The following RBFOX1 variants were observed in gnomAD, a reference collection of about 807,000 sequenced individuals.
RBFOX1 encodes RNA binding fox-1 homolog 1.
Under a neutral mutation model 57.7 loss-of-function variants are expected in RBFOX1, and 8 were observed. That is an observed-to-expected ratio of 0.14 (90% CI 0.08 to 0.25). The LOEUF (loss-of-function observed/expected upper bound fraction) is 0.25, where lower values mean the gene tolerates loss of function less well. Ranked by LOEUF, RBFOX1 falls within the 10% of genes least tolerant of loss-of-function variation. The pLI, the probability that RBFOX1 is intolerant of heterozygous loss-of-function variation, is 1.00. For missense variants in RBFOX1, 611 were observed against 548.5 expected, an observed-to-expected ratio of 1.11 and a Z score of -1.14; for synonymous variants, 326 against 222.4, an observed-to-expected ratio of 1.47 and a Z score of -4.15.
intron 1 of RBFOX1, among the ~76,000 whole-genome samples, chr16:6,230,006 G>T (rs374561254): frequency 2.0e-5 from 3 of 151,670 alleles, no homozygotes; most frequent in Admixed American, 1.3e-4. Flanking sequence ...TGTTATCTAG[G>T]GTGTACTTGA....
At chr16:7,415,500 T>G (rs2098469717) in intron 4 of RBFOX1, among the ~76,000 whole-genome samples, 1 of 152,190 alleles carries the variant, frequency 6.6e-6, no homozygotes, top group African/African-American at 2.4e-5. Flanking sequence ...AATGGCAATG[T>G]GGAATAAGCA....
intron 3 of RBFOX1, among the ~76,000 whole-genome samples, chr16:6,868,614 G>A (rs751979475): frequency 6.6e-6 from 1 of 152,032 alleles, no homozygotes; most frequent in Non-Finnish European, 1.5e-5. Context: ...TGGGATTATA[G>A]GCACACACCA....
chr16:5,632,648 T>C (rs1483699033), intron 3 of RBFOX1: 1 of 152,110 alleles, frequency 6.6e-6, no homozygotes, highest in Non-Finnish European at 1.5e-5. Flanking sequence ...CCAACTATGT[T>C]TATTTGTCTT....
intron 4 of RBFOX1, among the ~76,000 whole-genome samples, chr16:7,121,477 C>CA (rs1368696830): frequency 6.6e-6 from 1 of 151,818 alleles, no homozygotes; most frequent in Non-Finnish European, 1.5e-5. Context: ...ACAATAGCTC[C>CA]AAAAAATGCA....
At chr16:6,640,527 G>T (rs1029972989) in intron 2 of RBFOX1, among the ~76,000 whole-genome samples, 1 of 152,120 alleles carries the variant, frequency 6.6e-6, no homozygotes, top group African/African-American at 2.4e-5. Context: ...AGAATAGCGT[G>T]AACCCGGGAA....
rs72529078 is a variant in RBFOX1, at chr16:7,513,079, C to CCT, written c.28-5068_28-5067insCT. Among the ~76,000 whole-genome samples the CCT allele has an allele frequency of 1.1e-4, 16 of 151,784 alleles. 1 individual carries two copies. Among genetic ancestry groups the CCT allele is most frequent in the African/African-American group, 1.9e-4 (8 of 41,254 alleles). On this transcript the variant is annotated intron_variant, in intron 4 of 15. Transcript: ENST00000550418. ...AGCAGTTCGGGACCAGCCTGGCCAA[C>CCT]AGTAAAACGCCGTCTCTACTAAAAA...
intron 1 of RBFOX1, among the ~76,000 whole-genome samples, chr16:5,431,093 G>C (rs573378365): frequency 1.3e-5 from 2 of 152,190 alleles, no homozygotes; most frequent in African/African-American, 4.8e-5. Flanking sequence ...CCACCATAGA[G>C]TGCTGTGAGT....
intron 1 of RBFOX1, among the ~76,000 whole-genome samples, chr16:6,191,129 G>GTTTTTTTTTT (rs5815289): frequency 2.2e-5 from 3 of 133,948 alleles, no homozygotes; most frequent in Non-Finnish European, 1.6e-5. Context: ...TGCGTCTGTG[G>GTTTTTTTTTT]TTTTTTTTTT....
chr16:6,183,477 C>T (rs2097081618), intron 1 of RBFOX1, among the ~76,000 whole-genome samples: 1 of 100,052 alleles, frequency 1.0e-5, no homozygotes, highest in South Asian at 3.4e-4. Flanking sequence ...AAGGCTCCAT[C>T]TAAAAAAATT....
chr16:7,652,781 A>G (rs1345929223), intron 11 of RBFOX1, among the ~76,000 whole-genome samples: 2 of 152,200 alleles, frequency 1.3e-5, no homozygotes, highest in South Asian at 2.1e-4. Context: ...CTTTGCCTTT[A>G]AATGCTGCAC....
chr16:6,139,282 G>C (rs764156347), intron 1 of RBFOX1, among the ~76,000 whole-genome samples: 2 of 152,102 alleles, frequency 1.3e-5, no homozygotes, highest in African/African-American at 2.4e-5. Context: ...TGAGTGATAC[G>C]ATCGTTTCAG....
intron 1 of RBFOX1, among the ~76,000 whole-genome samples, chr16:6,178,760 T>C (rs1177621990): frequency 6.6e-6 from 1 of 152,196 alleles, no homozygotes; most frequent in East Asian, 1.9e-4. Flanking sequence ...GATTAAAATA[T>C]CTGTGTTTAC....
chr16:7,007,491 C>G (rs1383345284), intron 3 of RBFOX1, among the ~76,000 whole-genome samples: 1 of 152,130 alleles, frequency 6.6e-6, no homozygotes, highest in African/African-American at 2.4e-5. Flanking sequence ...TTTGTCATGT[C>G]ACGCATCGTA....
intron 3 of RBFOX1, among the ~76,000 whole-genome samples, chr16:6,927,743 G>A (rs1460593985): frequency 6.6e-6 from 1 of 151,970 alleles, no homozygotes; most frequent in Non-Finnish European, 1.5e-5. Context: ...CCCTATGTAA[G>A]GCCTGGAACC....
chr16:5,768,030 C>T (rs1216385127), intron 3 of RBFOX1, among the ~76,000 whole-genome samples: 1 of 152,170 alleles, frequency 6.6e-6, no homozygotes, highest in South Asian at 2.1e-4. Context: ...GCTCACCCAG[C>T]TATGCAATTA....
intron 1 of RBFOX1, among the ~76,000 whole-genome samples, chr16:6,303,935 C>T (rs376129694): frequency 6.6e-6 from 1 of 150,924 alleles, no homozygotes; most frequent in South Asian, 2.1e-4. Context: ...CCTCAGCCTC[C>T]TGAGTGGCTG....
At chr16:6,399,702 C>T (rs1230994586) in intron 2 of RBFOX1, among the ~76,000 whole-genome samples, 1 of 152,030 alleles carries the variant, frequency 6.6e-6, no homozygotes, top group Non-Finnish European at 1.5e-5. Flanking sequence ...TCCACTACCT[C>T]AATAACAGCT....
intron 3 of RBFOX1, among the ~76,000 whole-genome samples, chr16:6,844,980 T>C (rs1208650729): frequency 6.6e-6 from 1 of 152,222 alleles, no homozygotes; most frequent in Non-Finnish European, 1.5e-5. Context: ...CATGTATGTC[T>C]TCTTTTGAGA....
At chr16:6,721,692 G>C (rs2066023364) in intron 3 of RBFOX1, 1 of 152,042 alleles carries the variant, frequency 6.6e-6, no homozygotes, top group Non-Finnish European at 1.5e-5. Flanking sequence ...CACAGCGTTT[G>C]TCTTTTTGTG....
Sources: gnomAD v4.1 joint callset for allele counts (sites outside exome capture counted in the v4.1 genomes callset) on GRCh38, gnomAD v4.1.1 for gene constraint, MANE v1.5 for transcripts, NCBI Gene and HGNC (gene_info 2026-07-23, HGNC 2026-07-21) for gene names.